The following SULT1C3 variants were observed in gnomAD, a reference collection of about 807,000 sequenced individuals.
SULT1C3 encodes the protein sulfotransferase family 1C member 3, also known as sulfotransferase 1C3.
SULT1C3 carries 31 observed loss-of-function variants against 28.4 expected under a neutral mutation model. The observed-to-expected ratio is 1.09, with a 90% CI of 0.82 to 1.47. The LOEUF is 1.47. Ranked by LOEUF, SULT1C3 falls within the 40% of genes most tolerant of loss-of-function variation. The pLI, the probability that SULT1C3 is intolerant of heterozygous loss-of-function variation, is 0.00. For missense variants in SULT1C3, 307 were observed against 272.5 expected (o/e 1.13, Z -0.89); for synonymous variants, 106 against 92.2 (o/e 1.15, Z -0.86).
intron 7 of SULT1C3, among the ~76,000 whole-genome samples, chr2:108,259,841 T>A: frequency 6.6e-6 from 1 of 152,124 alleles, no homozygotes; most frequent in Non-Finnish European, 1.5e-5. Context: ...AAGTGGAAGC[T>A]ATACTAGGAA....
At chr2:108,245,998 C>A (rs1260011807) in intron 1 of SULT1C3, among the ~76,000 whole-genome samples, 1 of 152,166 alleles carries the variant, frequency 6.6e-6, no homozygotes, top group Non-Finnish European at 1.5e-5. Context: ...CTCTCAAGTT[C>A]AAAGTTCCAT....
chr2:108,255,234 CT>C (rs1277366838), intron 4 of SULT1C3, among the ~76,000 whole-genome samples: 2 of 151,928 alleles, frequency 1.3e-5, no homozygotes, highest in Non-Finnish European at 2.9e-5. Flanking sequence ...CCCAGGAATG[CT>C]TTGTCACTGG....
chr2:108,246,202 C>T (rs1487807297), intron 1 of SULT1C3, among the ~76,000 whole-genome samples: 1 of 152,140 alleles, frequency 6.6e-6, no homozygotes, highest in Non-Finnish European at 1.5e-5. Context: ...CAAACTTTCC[C>T]ACATTTTCCT....
At position 108,259,657 on chromosome 2, in the gene SULT1C3, G is replaced by A. The variant is rs1197389703; in HGVS notation, c.802+511G>A. On this transcript the variant is annotated intron_variant, in intron 7 of 7. Transcript: ENST00000681802. The stretch of plus-strand genomic sequence containing the variant: ...GATGATAGGCTGTCCTGAAGAGAGT[G>A]TAGTGTTCAGTTTTGTTCCACTAGA... Among the ~76,000 whole-genome samples the A allele has an allele frequency of 2.0e-5, 3 of 152,164 alleles. No homozygotes were observed. In the East Asian group the frequency reaches 5.8e-4, roughly 29 times the overall value.
At chr2:108,259,704 C>A (rs1391200042) in intron 7 of SULT1C3, among the ~76,000 whole-genome samples, 1 of 151,996 alleles carries the variant, frequency 6.6e-6, no homozygotes, top group African/African-American at 2.4e-5. Context: ...AGACTCATAC[C>A]TCAAAACAAC....
In SULT1C3 at chr2:108,252,488, A is replaced by C. The variant is rs773628257; in HGVS notation, c.296A>C (p.Lys99Thr). The C allele has an allele frequency of 4.2e-5, 68 of 1,611,848 alleles. 1 individual carries two copies. Among genetic ancestry groups the C allele is most frequent in the Non-Finnish European group, 5.5e-5 (65 of 1,178,754 alleles). The change falls in exon 3 of 8, where the codon AAA (lysine) becomes ACA (threonine). Residue 99 changes from lysine (K) to threonine (T), a missense_variant. Lys to Thr is a moderately conservative substitution (Grantham distance 78). Transcript: ENST00000681802. ...GAACTGAAATTTCCCCATAAAGAAA[A>C]ACCAGGTGAGTAATATGCACGAAGA... ...FLELKFPHKE[K>T]PDLEFVLEMS...
At chr2:108,250,743 T>C (rs961574174) in intron 2 of SULT1C3, among the ~76,000 whole-genome samples, 2 of 152,006 alleles carry the variant, frequency 1.3e-5, no homozygotes, top group Non-Finnish European at 2.9e-5. Flanking sequence ...ACTACAGATA[T>C]ATACAAGAAC....
At chr2:108,261,510 GA>G (rs1223784354), downstream of SULT1C3, among the ~76,000 whole-genome samples, 3 of 152,184 alleles carry the variant, frequency 2.0e-5, no homozygotes, top group East Asian at 5.8e-4. Context: ...ATGCACCAGT[GA>G]AGACCTGGTT....
intron 1 of SULT1C3, among the ~76,000 whole-genome samples, chr2:108,244,738 G>A (rs1315357879): frequency 1.3e-5 from 2 of 152,152 alleles, no homozygotes; most frequent in African/African-American, 4.8e-5. Flanking sequence ...GCAATGAGAA[G>A]GGAACTTGAA....
chr2:108,258,568 G>T (rs6542757), intron 5 of SULT1C3, among the ~76,000 whole-genome samples, 166 bp from the exon 6 acceptor site: 16,761 of 152,132 alleles, frequency 0.11, 1,470 homozygotes, highest in African/African-American at 0.24. Context: ...TATAAATCTC[G>T]GCTTTACACC....
downstream of SULT1C3, chr2:108,265,241 A>G: frequency 1.9e-6 from 3 of 1,613,348 alleles, no homozygotes; most frequent in Non-Finnish European, 2.5e-6. Flanking sequence ...TGTTTCAGGG[A>G]TGCCTGGAGA....
chr2:108,256,069 C>T (rs1222088939), intron 5 of SULT1C3, among the ~76,000 whole-genome samples: 2 of 151,974 alleles, frequency 1.3e-5, no homozygotes, highest in Admixed American at 1.3e-4. Context: ...CAGACCACCA[C>T]GTATAGTTAC....
chr2:108,242,972 G>A (rs944029709), intron 1 of SULT1C3, among the ~76,000 whole-genome samples: 2 of 152,134 alleles, frequency 1.3e-5, no homozygotes, highest in Non-Finnish European at 2.9e-5. Context: ...ATTAAGCTGA[G>A]CACTCTTTAA....
chr2:108,255,709 A>T lies in SULT1C3; in HGVS notation c.526+11A>T, dbSNP rs772143347. On this transcript the variant is annotated intron_variant, in intron 5 of 7. Transcript: ENST00000681802. ...TCATGTCCGGAAAAGGTGAGTTCAAACTGATCTTTTTGGTACCCTCTTTCA... is the reference window on the plus strand; with the variant it reads ...TCATGTCCGGAAAAGGTGAGTTCAATCTGATCTTTTTGGTACCCTCTTTCA... The T allele has an allele frequency of 1.1e-5, 17 of 1,607,914 alleles. No individual in the cohort carries two copies. Among genetic ancestry groups the T allele is most frequent in the Non-Finnish European group, 1.4e-5 (17 of 1,176,334 alleles).
At chr2:108,248,044 T>C (rs1236719508) in intron 2 of SULT1C3, among the ~76,000 whole-genome samples, 4 of 152,216 alleles carry the variant, frequency 2.6e-5, no homozygotes, top group Non-Finnish European at 5.9e-5. Context: ...GGGAATGTAC[T>C]ACATCTTCTT....
At chr2:108,258,360 A>G (rs537162269) in intron 5 of SULT1C3, among the ~76,000 whole-genome samples, 5 of 152,218 alleles carry the variant, frequency 3.3e-5, no homozygotes, top group African/African-American at 1.2e-4. Flanking sequence ...TGGAAGAGGA[A>G]CTTGCAAACT....
intron 4 of SULT1C3, 32 bp from the exon 5 acceptor site, chr2:108,255,540 T>C: frequency 6.2e-7 from 1 of 1,605,342 alleles, no homozygotes; most frequent in Non-Finnish European, 8.5e-7. Context: ...TATTTTTCTC[T>C]CCATGGCTTC....
chr2:108,265,340 A>G (rs199570765), downstream of SULT1C3: 29 of 1,613,344 alleles, frequency 1.8e-5, no homozygotes, highest in South Asian at 3.0e-4. Flanking sequence ...AACCTTCCGC[A>G]CAGAGATCTG....
Position 108,255,557 on chromosome 2 carries a change from T to A in SULT1C3, c.400-15T>A. ...TTTTTCTCTCCATGGCTTCCTTCCC[T>A]CTCCTTGATTTCAGATTGTCTATGT... On this transcript the variant is annotated splice_polypyrimidine_tract_variant and intron_variant, in intron 4 of 7. Transcript: ENST00000681802. 1 of 1,608,548 alleles carries A rather than the reference T, an allele frequency of 6.2e-7. No individual in the cohort carries two copies. Among genetic ancestry groups the A allele is most frequent in the Non-Finnish European group, 8.5e-7 (1 of 1,177,126 alleles).
Sources: allele counts gnomAD v4.1 joint callset (sites outside exome capture counted in the v4.1 genomes callset), GRCh38; gene constraint gnomAD v4.1.1; transcripts MANE v1.5; gene names NCBI Gene and HGNC (gene_info 2026-07-23, HGNC 2026-07-21).